ZNF862: variants seen among roughly 807,000 people sequenced by gnomAD.
The protein encoded by ZNF862 is zinc finger protein 862.
In ZNF862, 64 loss-of-function variants were observed where a neutral mutation model predicts 91.1. The observed-to-expected ratio is 0.70, with a 90% CI of 0.57 to 0.87. ZNF862 has a LOEUF of 0.87. Ranked by LOEUF, ZNF862 falls within the 40% of genes least tolerant of loss-of-function variation. ZNF862 has a pLI of 0.00. For synonymous variants in ZNF862, 631 were observed against 618.1 expected (o/e 1.02, Z -0.31); for missense variants, 1,459 against 1,528.0 (o/e 0.95, Z 0.75).
At chr7:149,843,784 T>C (rs1035007625) in intron 1 of ZNF862, among the ~76,000 whole-genome samples, 6 of 152,142 alleles carry the variant, frequency 3.9e-5, no homozygotes, top group African/African-American at 9.6e-5. Context: ...TCTTGTTCCA[T>C]TGGGCTGCCT....
rs968181824 is a variant in ZNF862, at chr7:149,862,309, G to C, written c.3149G>C (p.Arg1050Thr). 19 of 1,613,430 alleles carry C rather than the reference G, an allele frequency of 1.2e-5. No individual in the cohort carries two copies. The highest frequency in any genetic ancestry group is 1.6e-5 in the Non-Finnish European group (19 of 1,179,746). ...ERGFKAMNRI[R>T]TDERTKLSNE... The stretch of plus-strand genomic sequence containing the variant: ...GGGTTCAAGGCCATGAACCGAATCA[G>C]GACCGATGAGAGGACCAAGCTCTCC... The change falls in exon 7 of 8, where the codon AGG becomes ACG. Residue 1050 changes from arginine (R) to threonine (T), a missense_variant. Coordinates refer to ENST00000223210, the MANE Select transcript of ZNF862 (RefSeq NM_001099220.3).
At position 149,860,593 on chromosome 7, in the gene ZNF862, T is replaced by C. The variant is rs1248078533; in HGVS notation, c.1433T>C (p.Ile478Thr). 3.1e-6 allele frequency: 5 copies of C among 1,613,846 alleles called. No individual in the cohort carries two copies. Among genetic ancestry groups the C allele is most frequent in the African/African-American group, 2.7e-5 (2 of 74,904 alleles). The change falls in exon 7 of 8, where the codon ATT becomes ACT. Residue 478 changes from isoleucine (I) to threonine (T), a missense_variant. By Grantham distance (89) the Ile-to-Thr change is moderately conservative (BLOSUM62 -1). Transcript: ENST00000223210. The stretch of plus-strand genomic sequence containing the variant: ...TTTGGGCAGTTCCCATGGTTAGTAA[T>C]TGACCCCAAAGAGACCAAACTCTTC... Reference protein sequence around the residue: ...SWFGQFPWLVIDPKETKLFCS... With the variant: ...SWFGQFPWLVTDPKETKLFCS...
intron 7 of ZNF862, among the ~76,000 whole-genome samples, 168 bp from the exon 8 acceptor site, chr7:149,863,941 A>G (rs545907157): frequency 6.6e-6 from 1 of 152,372 alleles, no homozygotes; most frequent in Admixed American, 6.5e-5. Flanking sequence ...ATCTCAGGAT[A>G]AAAGAATGAA....
rs1385098347 is a variant in ZNF862 at position 149,859,628 on chromosome 7, C to T, written c.1222+102C>T. ...TCAGCTGTGCTCATCTGATGGGGGC[C>T]GATTGGGCACCAAGCCTGGCAGGAG... On this transcript the variant is annotated intron_variant, in intron 6 of 7. Transcript: ENST00000223210. 1.3e-5 allele frequency: 12 copies of T among 950,698 alleles called. No individual in the cohort carries two copies. The South Asian group carries it at 1.3e-4, about 11-fold the overall frequency. 58.9% of individuals were successfully genotyped at this position (950,698 alleles called of 1,614,324 possible).
chr7:149,846,128 C>CT, intron 2 of ZNF862, 23 bp from the exon 3 acceptor site: 1 of 1,538,330 alleles, frequency 6.5e-7, no homozygotes, highest in Non-Finnish European at 8.9e-7. Flanking sequence ...CTCTCTCGCT[C>CT]TCTTTTTTTT....
At chr7:149,856,292 G>A (rs1298342916) in intron 5 of ZNF862, 1 of 152,188 alleles carries the variant, frequency 6.6e-6, no homozygotes, top group East Asian at 1.9e-4. Context: ...TCCTACTGTG[G>A]AAGATGGAGA....
intron 4 of ZNF862, among the ~76,000 whole-genome samples, chr7:149,849,197 G>A (rs1801979644): frequency 6.6e-6 from 1 of 152,208 alleles, no homozygotes; most frequent in Admixed American, 6.5e-5. Flanking sequence ...TGATGTTGCT[G>A]TGAGGCCGGT....
At position 149,862,471 on chromosome 7, in the gene ZNF862, A is replaced by C. The variant is rs746223460; in HGVS notation, c.3311A>C (p.Gln1104Pro). 18 of 1,599,860 alleles carry C rather than the reference A, an allele frequency of 1.1e-5. No individual in the cohort carries two copies. The highest frequency in any genetic ancestry group is 1.7e-4 in the Middle Eastern group (1 of 6,038). Residue 1104 changes from glutamine to proline, a missense_variant, in exon 7 of 8, where the codon CAG becomes CCG. Physicochemically the swap from Gln to Pro is moderately conservative, Grantham distance 76. Coordinates refer to ENST00000223210, the MANE Select transcript of ZNF862 (RefSeq NM_001099220.3). Reference protein sequence around the residue: ...RRFSHVYTCAQVPARSPASAR... With the variant: ...RRFSHVYTCAPVPARSPASAR... ...TTCAGCCATGTCTACACCTGTGCCC[A>C]GGTGCCAGCCCGCTCCCCTGCAAGT...
Position 149,861,997 on chromosome 7 carries a change from A to G in ZNF862, c.2837A>G (p.Asn946Ser). Residue 946 changes from asparagine (N) to serine (S), a missense_variant, in exon 7 of 8, where the codon AAC becomes AGC. Transcript: ENST00000223210. This position sits in a 1 kb window ranked among gnomAD's most constrained non-coding sequence, Gnocchi z 6.7. The part of the protein sequence containing the change: ...FDADRPPQLK[N>S]MEVFDTMAWP... ...GCAGACCGACCCCCACAGCTGAAGAACATGGAGGTGTTTGACACCATGGCC... is the reference window on the plus strand; with the variant it reads ...GCAGACCGACCCCCACAGCTGAAGAGCATGGAGGTGTTTGACACCATGGCC... 1.2e-6 allele frequency: 2 copies of G among 1,613,882 alleles called. No individual in the cohort carries two copies. Among genetic ancestry groups the G allele is most frequent in the Non-Finnish European group, 8.5e-7 (1 of 1,179,884 alleles).
At position 149,850,370 on chromosome 7, in the gene ZNF862, C is replaced by A; in HGVS notation, c.1117+32C>A. The A allele has an allele frequency of 6.3e-7, 1 of 1,583,580 alleles. No individual in the cohort carries two copies. Reference sequence around the variant, plus strand: ...ACGCACCGAGCCTCTTATTCACCACCCTCCTTTGACTTGGGAAGCCCACAA... The same window carrying A: ...ACGCACCGAGCCTCTTATTCACCACACTCCTTTGACTTGGGAAGCCCACAA... On this transcript the variant is annotated intron_variant, in intron 5 of 7. Coordinates refer to ENST00000223210, the MANE Select transcript of ZNF862 (RefSeq NM_001099220.3). This position sits in a 1 kb window ranked among gnomAD's most constrained non-coding sequence, Gnocchi z 4.2.
In ZNF862 at chr7:149,855,079, A is replaced by G. The variant is rs372694770; in HGVS notation, c.1118-4343A>G. On this transcript the variant is annotated intron_variant, in intron 5 of 7. Transcript: ENST00000223210. The surrounding 1 kb of genome is among the most constrained non-coding windows in gnomAD (Gnocchi z 4.1). The stretch of plus-strand genomic sequence containing the variant: ...GGTCCTTTTTTGTTGGGTAATACAC[A>G]TGAAGTATTTAGGAATAAAGGGACA... Among the ~76,000 whole-genome samples the G allele has an allele frequency of 6.6e-6, 1 of 152,188 alleles. No homozygotes were observed. The highest frequency in any genetic ancestry group is 2.4e-5 in the African/African-American group (1 of 41,444).
At chr7:149,842,056 G>C (rs1801727562) in intron 1 of ZNF862, among the ~76,000 whole-genome samples, 1 of 152,188 alleles carries the variant, frequency 6.6e-6, no homozygotes, top group African/African-American at 2.4e-5. Flanking sequence ...CTCCAGGGGG[G>C]ATATAAAGCC....
At chr7:149,854,438 CTTAGA>C (rs1342907823) in intron 5 of ZNF862, among the ~76,000 whole-genome samples, 4 of 152,164 alleles carry the variant, frequency 2.6e-5, no homozygotes, top group Admixed American at 2.6e-4. Context: ...TTAGTATGAA[CTTAGA>C]TTAGATAATA....
chr7:149,860,885 T>C lies in ZNF862; in HGVS notation c.1725T>C (p.Phe575=), dbSNP rs1802451988. The C allele has an allele frequency of 3.1e-6, 5 of 1,613,600 alleles. No individual in the cohort carries two copies. The highest frequency in any genetic ancestry group is 4.2e-6 in the Non-Finnish European group (5 of 1,179,900). The change falls in exon 7 of 8, where the codon TTT becomes TTC. Residue 575 remains phenylalanine (F), a synonymous_variant. Coordinates refer to ENST00000223210, the MANE Select transcript of ZNF862 (RefSeq NM_001099220.3). The stretch of plus-strand genomic sequence containing the variant: ...ACCACTCAAGGCCCCTGAATGACTT[T>C]GAGAAGATCCTGCAGCTCCTCCAAA... ...IAYHSRPLND[F]EKILQLLQST... is the part of the protein sequence containing the mutation.
chr7:149,862,399 C>T lies in ZNF862; in HGVS notation c.3239C>T (p.Pro1080Leu). ...GGCGTGGCCGTCACGGAGTACGACC[C>T]CCAGCCCGCCATCCAGCACTGGTAC... ...VNGVAVTEYD[P>L]QPAIQHWYLT... The change falls in exon 7 of 8, where the codon CCC (proline) becomes CTC (leucine). Residue 1080 changes from proline (P) to leucine (L), a missense_variant. Coordinates refer to ENST00000223210, the MANE Select transcript of ZNF862 (RefSeq NM_001099220.3). 1 of 1,612,674 alleles carries T rather than the reference C, an allele frequency of 6.2e-7. No individual in the cohort carries two copies.
At chr7:149,863,401 A>C (rs1802589782) in intron 7 of ZNF862, among the ~76,000 whole-genome samples, 1 of 150,552 alleles carries the variant, frequency 6.6e-6, no homozygotes, top group African/African-American at 2.5e-5. Context: ...CCCAGTTTTC[A>C]CCTCTGAGTC....
rs1802228645 is a variant in ZNF862 at position 149,855,459 on chromosome 7, G to T, written c.1118-3963G>T. The stretch of plus-strand genomic sequence containing the variant: ...CTTCTCCCACCCCCTGCTGGTTTCA[G>T]AATTTCTGACTCATCCTCAGTGGGA... On this transcript the variant is annotated intron_variant, in intron 5 of 7. Transcript: ENST00000223210. The surrounding 1 kb of genome is among the most constrained non-coding windows in gnomAD (Gnocchi z 4.1). Among the ~76,000 whole-genome samples the T allele has an allele frequency of 6.6e-6, 1 of 152,176 alleles. No homozygotes were observed. Among genetic ancestry groups the T allele is most frequent in the South Asian group, 2.1e-4 (1 of 4,830 alleles).
At chr7:149,842,000 G>A (rs1225109715) in intron 1 of ZNF862, among the ~76,000 whole-genome samples, 1 of 152,220 alleles carries the variant, frequency 6.6e-6, no homozygotes, top group Admixed American at 6.5e-5. Flanking sequence ...TGGTGTTGAT[G>A]AAGGAAGTTA....
chr7:149,855,248 A>G lies in ZNF862; in HGVS notation c.1118-4174A>G, dbSNP rs544143256. ...TGATTGGAGTTCCTTGTGTTATTCA[A>G]TCTTTTCTGTAAATTTGAAATTATA... On this transcript the variant is annotated intron_variant, in intron 5 of 7. Transcript: ENST00000223210. The surrounding 1 kb of genome is among the most constrained non-coding windows in gnomAD (Gnocchi z 4.1). Among the ~76,000 whole-genome samples the G allele has an allele frequency of 3.9e-5, 6 of 152,340 alleles. No individual in the cohort carries two copies. In the South Asian group the frequency reaches 1.2e-3, roughly 32 times the overall value.
Sources: gnomAD v4.1 joint callset for allele counts (sites outside exome capture counted in the v4.1 genomes callset) on GRCh38, gnomAD v4.1.1 for gene constraint, Gnocchi (gnomAD v3.1) non-coding constraint, MANE v1.5 for transcripts, NCBI Gene and HGNC (gene_info 2026-07-23, HGNC 2026-07-21) for gene names.